MDGA2: variants seen among roughly 807,000 people sequenced by gnomAD.
MDGA2 encodes the protein MAM domain containing glycosylphosphatidylinositol anchor 2, also known as MAM domain-containing glycosylphosphatidylinositol anchor protein 2.
A neutral mutation model predicts 117.8 loss-of-function variants in MDGA2; 40 were observed. That is an observed-to-expected ratio of 0.34 (90% CI 0.26 to 0.44). The LOEUF (loss-of-function observed/expected upper bound fraction) is 0.44. Ranked by LOEUF, MDGA2 falls within the 20% of genes least tolerant of loss-of-function variation. MDGA2 has a pLI of 1.00. For missense variants in MDGA2, 1,123 were observed against 1,250.6 expected (o/e 0.90, Z 1.54); for synonymous variants, 452 against 439.0 (o/e 1.03, Z -0.37).
chr14:47,046,959 A>G (rs1422344234), intron 7 of MDGA2, among the ~76,000 whole-genome samples: 1 of 152,160 alleles, frequency 6.6e-6, no homozygotes, highest in Non-Finnish European at 1.5e-5. Context: ...AGAGCCACAT[A>G]TGTTACAATT....
chr14:46,894,169 G>T (rs575154639), intron 10 of MDGA2, among the ~76,000 whole-genome samples: 2 of 151,878 alleles, frequency 1.3e-5, no homozygotes, highest in African/African-American at 4.8e-5. Flanking sequence ...AAAATCTATC[G>T]AGGTTAGTAT....
chr14:47,506,235 T>C (rs532647914), intron 1 of MDGA2, among the ~76,000 whole-genome samples: 11 of 152,154 alleles, frequency 7.2e-5, no homozygotes, highest in African/African-American at 1.9e-4. Flanking sequence ...CAAAGGCGCA[T>C]AACTAAGGCT....
chr14:46,900,156 T>C (rs1202738192), intron 10 of MDGA2, among the ~76,000 whole-genome samples: 3 of 152,074 alleles, frequency 2.0e-5, no homozygotes, highest in East Asian at 3.9e-4. Context: ...TAAAACTAAA[T>C]AGATATGACT....
At chr14:47,064,046 T>C (rs1046029767) in intron 6 of MDGA2, among the ~76,000 whole-genome samples, 2 of 151,940 alleles carry the variant, frequency 1.3e-5, no homozygotes, top group Non-Finnish European at 2.9e-5. Context: ...TGTATTATGT[T>C]ATAGAATATT....
At chr14:47,253,383 G>T (rs538933634) in intron 2 of MDGA2, among the ~76,000 whole-genome samples, 2 of 152,308 alleles carry the variant, frequency 1.3e-5, no homozygotes, top group South Asian at 4.1e-4. Flanking sequence ...AGAGGGTACA[G>T]ACATTGGGTA....
rs187533629 is a variant in MDGA2 at position 47,332,800 on chromosome 14, G to A, written c.281-31250C>T. Among the ~76,000 whole-genome samples, 7 of 151,606 alleles carry A rather than the reference G, an allele frequency of 4.6e-5. No individual in the cohort carries two copies. In the East Asian group the frequency reaches 1.2e-3, roughly 25 times the overall value. ...CTCATTAAGTAATTTCTCAGCCCTC[G>A]CCCCCTCCCAACCTCCTACCATTTG... is the stretch of plus-strand genomic sequence containing the variant. On this transcript the variant is annotated intron_variant, in intron 1 of 16. Transcript: ENST00000399232.
chr14:47,497,879 T>C (rs1325535663), intron 1 of MDGA2, among the ~76,000 whole-genome samples: 1 of 152,180 alleles, frequency 6.6e-6, no homozygotes, highest in Non-Finnish European at 1.5e-5. Context: ...CAGTAACTTC[T>C]GACGTCTACA....
intron 12 of MDGA2, among the ~76,000 whole-genome samples, chr14:46,875,489 CTAAA>C (rs1383887573): frequency 6.6e-6 from 1 of 151,292 alleles, no homozygotes; most frequent in Non-Finnish European, 1.5e-5. Flanking sequence ...TTAAGGGAGT[CTAAA>C]TAAATAACTC....
chr14:47,412,105 C>T (rs1892385943), intron 1 of MDGA2, among the ~76,000 whole-genome samples: 1 of 152,176 alleles, frequency 6.6e-6, no homozygotes, highest in South Asian at 2.1e-4. Context: ...CATCAAAACA[C>T]TCACAACTGT....
chr14:47,197,013 C>T (rs1017249197), intron 3 of MDGA2, among the ~76,000 whole-genome samples: 2 of 152,162 alleles, frequency 1.3e-5, no homozygotes, highest in Non-Finnish European at 2.9e-5. Context: ...TTTTGTATGA[C>T]TGCATAGTAT....
At chr14:47,449,034 T>C (rs1893185738) in intron 1 of MDGA2, among the ~76,000 whole-genome samples, 1 of 152,096 alleles carries the variant, frequency 6.6e-6, no homozygotes, top group Admixed American at 6.6e-5. Flanking sequence ...AGAAAGCATT[T>C]CTCCAGTTCT....
chr14:46,947,094 A>G (rs948135502), intron 9 of MDGA2, among the ~76,000 whole-genome samples: 6 of 152,082 alleles, frequency 3.9e-5, no homozygotes, highest in African/African-American at 1.4e-4. Flanking sequence ...TTTCTTGCTT[A>G]ATTCCAACAA....
intron 3 of MDGA2, among the ~76,000 whole-genome samples, chr14:47,203,620 A>G (rs994934658): frequency 2.0e-5 from 3 of 151,942 alleles, no homozygotes; most frequent in African/African-American, 7.2e-5. Flanking sequence ...GATTGGCCCA[A>G]GCAAGATTGC....
chr14:47,517,961 G>T (rs1894790074), intron 1 of MDGA2, among the ~76,000 whole-genome samples: 1 of 152,092 alleles, frequency 6.6e-6, no homozygotes, highest in African/African-American at 2.4e-5. Context: ...AAATTAAAGT[G>T]ATGAGTGCCC....
At chr14:47,401,777 C>T (rs1054712989) in intron 1 of MDGA2, among the ~76,000 whole-genome samples, 1 of 152,148 alleles carries the variant, frequency 6.6e-6, no homozygotes, top group African/African-American at 2.4e-5. Context: ...CTTATGGAAA[C>T]CCCATGCCAG....
At chr14:47,472,230 T>A (rs989839378) in intron 1 of MDGA2, among the ~76,000 whole-genome samples, 1 of 152,164 alleles carries the variant, frequency 6.6e-6, no homozygotes, top group Non-Finnish European at 1.5e-5. Flanking sequence ...TATACAGTCA[T>A]GTGTTGATTA....
chr14:46,898,394 C>T (rs937766540), intron 10 of MDGA2, among the ~76,000 whole-genome samples: 13 of 151,858 alleles, frequency 8.6e-5, no homozygotes, highest in Admixed American at 7.9e-4. Context: ...CAGAGAAAGG[C>T]GTCAAGGTAC....
intron 2 of MDGA2, among the ~76,000 whole-genome samples, chr14:47,285,538 G>C (rs1190310225): frequency 6.6e-6 from 1 of 152,098 alleles, no homozygotes; most frequent in African/African-American, 2.4e-5. Flanking sequence ...ACTGTGTGCT[G>C]TTGTCAAAAG....
chr14:47,023,613 G>A (rs1888371151), intron 8 of MDGA2, among the ~76,000 whole-genome samples: 1 of 152,128 alleles, frequency 6.6e-6, no homozygotes, highest in Non-Finnish European at 1.5e-5. Context: ...TGAAATGTAT[G>A]CTAGAAAAAG....
Sources: allele counts gnomAD v4.1 joint callset (sites outside exome capture counted in the v4.1 genomes callset), GRCh38; gene constraint gnomAD v4.1.1; transcripts MANE v1.5; gene names NCBI Gene and HGNC (gene_info 2026-07-23, HGNC 2026-07-21).